ACTN2: variants seen among roughly 807,000 people sequenced by gnomAD.
ACTN2 encodes actinin alpha 2.
Under a neutral mutation model 113.8 loss-of-function variants are expected in ACTN2, and 39 were observed. That is an observed-to-expected ratio of 0.34 (90% CI 0.27 to 0.45). The LOEUF is 0.45. Among genes scored for constraint, ACTN2 ranks in the 20% least tolerant of loss-of-function variants. The pLI is 1.00. For missense variants in ACTN2, 992 were observed against 1,177.9 expected, an observed-to-expected ratio of 0.84 and a Z score of 2.31; for synonymous variants, 429 against 444.1, an observed-to-expected ratio of 0.97 and a Z score of 0.43.
chr1:236,703,433 C>CA (rs1289792113), intron 1 of ACTN2, among the ~76,000 whole-genome samples: 98 of 98,840 alleles, frequency 9.9e-4, no homozygotes, highest in African/African-American at 3.4e-3. Context: ...GGCCTACTAC[C>CA]TTTTTTTTTT....
At chr1:236,689,536 T>G (rs1006450600) in intron 1 of ACTN2, among the ~76,000 whole-genome samples, 2 of 151,754 alleles carry the variant, frequency 1.3e-5, no homozygotes, top group African/African-American at 4.8e-5. Context: ...TTAAAAACTT[T>G]TTTTGTAGAG....
At chr1:236,720,460 G>C (rs774815681) in intron 4 of ACTN2, among the ~76,000 whole-genome samples, 6 of 152,090 alleles carry the variant, frequency 3.9e-5, no homozygotes, top group Non-Finnish European at 8.8e-5. Flanking sequence ...CTTCTTGATT[G>C]CTTATTATAC....
At chr1:236,752,981 C>G (rs1456606622) in intron 15 of ACTN2, among the ~76,000 whole-genome samples, 1 of 152,040 alleles carries the variant, frequency 6.6e-6, no homozygotes, top group East Asian at 1.9e-4. Flanking sequence ...GCAGATGACA[C>G]AAAGAAAGAT....
At chr1:236,716,281 G>A (rs1658209658) in intron 1 of ACTN2, among the ~76,000 whole-genome samples, 1 of 151,978 alleles carries the variant, frequency 6.6e-6, no homozygotes, top group Non-Finnish European at 1.5e-5. Context: ...TTTTCATCTT[G>A]AACACAAACC....
chr1:236,758,177 T>C (rs1659601699), intron 18 of ACTN2, among the ~76,000 whole-genome samples: 1 of 152,208 alleles, frequency 6.6e-6, no homozygotes, highest in African/African-American at 2.4e-5. Flanking sequence ...AAATATCATC[T>C]AGTATTCTGA....
At chr1:236,735,301 C>A (rs1558239110) in intron 7 of ACTN2, among the ~76,000 whole-genome samples, 1 of 152,072 alleles carries the variant, frequency 6.6e-6, no homozygotes, top group South Asian at 2.1e-4. Context: ...ACCGGAGTCA[C>A]GAGGAAGGGG....
intron 4 of ACTN2, among the ~76,000 whole-genome samples, chr1:236,722,693 A>G (rs1339659852): frequency 6.6e-6 from 1 of 151,592 alleles, no homozygotes; most frequent in Non-Finnish European, 1.5e-5. Context: ...TGATGAAGGC[A>G]GTGCAGATGT....
At chr1:236,713,194 T>G (rs1658092606) in intron 1 of ACTN2, among the ~76,000 whole-genome samples, 1 of 151,912 alleles carries the variant, frequency 6.6e-6, no homozygotes, top group African/African-American at 2.4e-5. Context: ...TGATATGGAA[T>G]GATCTCTAGG....
chr1:236,687,664 T>C (rs369577737), intron 1 of ACTN2, among the ~76,000 whole-genome samples: 14 of 152,382 alleles, frequency 9.2e-5, no homozygotes, highest in African/African-American at 3.4e-4. Flanking sequence ...TGGGGCAAGA[T>C]AGATTTCCCT....
intron 13 of ACTN2, among the ~76,000 whole-genome samples, chr1:236,748,388 G>A (rs1659298824): frequency 6.6e-6 from 1 of 152,120 alleles, no homozygotes; most frequent in African/African-American, 2.4e-5. Flanking sequence ...CCAAATGGCT[G>A]TGACATATCT....
At chr1:236,753,209 GATA>G (rs1659454297) in intron 15 of ACTN2, among the ~76,000 whole-genome samples, 1 of 152,164 alleles carries the variant, frequency 6.6e-6, no homozygotes, top group Admixed American at 6.5e-5. Context: ...GATTCCTTCT[GATA>G]ATAATGTTTG....
chr1:236,702,849 GT>G (rs1476828834), intron 1 of ACTN2, among the ~76,000 whole-genome samples: 1 of 152,188 alleles, frequency 6.6e-6, no homozygotes, highest in African/African-American at 2.4e-5. Context: ...AGAGAATATG[GT>G]GTATTACAGA....
chr1:236,754,168 T>C lies in ACTN2; in HGVS notation c.1974+87T>C, dbSNP rs1659484559. On this transcript the variant is annotated intron_variant, in intron 16 of 20. Coordinates refer to ENST00000366578, the MANE Select transcript of ACTN2 (RefSeq NM_001103.4). This position sits in a 1 kb window ranked among gnomAD's most constrained non-coding sequence, Gnocchi z 4.9. ...AGCAGTGACACCGCACATGCTGTGG[T>C]TTCCAGCCACCCACTCAGTCAGGTG... is the stretch of plus-strand genomic sequence containing the variant. The C allele has an allele frequency of 6.4e-7, 1 of 1,558,518 alleles. No homozygotes were observed. The highest frequency in any genetic ancestry group is 8.7e-7 in the Non-Finnish European group (1 of 1,143,596).
At chr1:236,715,380 A>C (rs1057406335) in intron 1 of ACTN2, among the ~76,000 whole-genome samples, 1 of 146,892 alleles carries the variant, frequency 6.8e-6, no homozygotes, top group South Asian at 2.1e-4. Flanking sequence ...TAAATACATA[A>C]AATTAATATG....
intron 1 of ACTN2, among the ~76,000 whole-genome samples, chr1:236,715,189 G>A (rs1469572048): frequency 6.6e-6 from 1 of 150,990 alleles, no homozygotes; most frequent in East Asian, 1.9e-4. Context: ...TAAGGTTTAG[G>A]GTACATGTGC....
At chr1:236,751,743 C>A in intron 15 of ACTN2, 91 bp downstream of exon 15, 2 of 1,471,794 alleles carry the variant, frequency 1.4e-6, no homozygotes, top group Non-Finnish European at 1.9e-6. Flanking sequence ...CTTAGGGTGA[C>A]GGCCTCATTT....
At chr1:236,695,582 T>C (rs1399702508) in intron 1 of ACTN2, among the ~76,000 whole-genome samples, 3 of 29,124 alleles carry the variant, frequency 1.0e-4, no homozygotes, top group African/African-American at 1.6e-4. Context: ...CTGCCCAGAT[T>C]GAAAACCTTC....
Position 236,761,098 on chromosome 1 carries a change from C to A in ACTN2, c.2451C>A (p.Phe817Leu). The A allele has an allele frequency of 6.2e-7, 1 of 1,614,198 alleles. No homozygotes were observed. The stretch of plus-strand genomic sequence containing the variant: ...TCACCTTCCAATCCTTCATCGACTT[C>A]ATGACTAGAGAGACGGCTGACACCG... ...GTVTFQSFIDFMTRETADTDT... is the reference protein window; with the variant it reads ...GTVTFQSFIDLMTRETADTDT... Residue 817 changes from phenylalanine (F) to leucine (L), a missense_variant, in exon 20 of 21, where the codon TTC (phenylalanine) becomes TTA (leucine). Phe to Leu is a conservative substitution (Grantham distance 22, BLOSUM62 0). Around this residue, in one of 3 missense-constraint regions of ACTN2, gnomAD observed 736 missense variants for 815.4 expected, o/e 0.90. Transcript: ENST00000366578.
At chr1:236,739,920 T>C (rs1659016802) in intron 10 of ACTN2, among the ~76,000 whole-genome samples, 1 of 152,094 alleles carries the variant, frequency 6.6e-6, no homozygotes, top group Non-Finnish European at 1.5e-5. Context: ...TCTCCCTCTC[T>C]TCCACATTGT....
Sources: gnomAD v4.1 joint callset for allele counts (sites outside exome capture counted in the v4.1 genomes callset) on GRCh38, gnomAD v4.1.1 for gene constraint, gnomAD v4.1.1 regional missense constraint, Gnocchi (gnomAD v3.1) non-coding constraint, MANE v1.5 for transcripts, NCBI Gene and HGNC (gene_info 2026-07-23, HGNC 2026-07-21) for gene names.